CLSTN2: variants seen among roughly 807,000 people sequenced by gnomAD.
CLSTN2 encodes calsyntenin-2.
CLSTN2 carries 48 observed loss-of-function variants against 101.2 expected under a neutral mutation model. The ratio of observed to expected loss-of-function variants is 0.47; its 90% CI spans 0.38 to 0.60. The LOEUF (loss-of-function observed/expected upper bound fraction) is 0.60, where lower values mean the gene tolerates loss of function less well. Among genes scored for constraint, CLSTN2 ranks in the 20% least tolerant of loss-of-function variants. CLSTN2 has a pLI of 0.00. For missense variants in CLSTN2, 1,160 were observed against 1,238.2 expected, an observed-to-expected ratio of 0.94 and a Z score of 0.95; for synonymous variants, 481 against 463.6, an observed-to-expected ratio of 1.04 and a Z score of -0.48.
intron 13 of CLSTN2, 143 bp from the exon 14 acceptor site, chr3:140,562,668 T>A: frequency 1.2e-6 from 1 of 845,830 alleles, no homozygotes; most frequent in African/African-American, 1.7e-5. Flanking sequence ...CTGCACATTG[T>A]CTGCCCAAAA....
At chr3:140,180,084 T>C (rs1396378127) in intron 2 of CLSTN2, among the ~76,000 whole-genome samples, 17 of 152,234 alleles carry the variant, frequency 1.1e-4, no homozygotes, top group Admixed American at 1.1e-3. Flanking sequence ...GGGCTGTTTG[T>C]TGTTTTGATG....
chr3:140,364,390 C>T (rs1280515120), intron 2 of CLSTN2, among the ~76,000 whole-genome samples: 1 of 152,168 alleles, frequency 6.6e-6, no homozygotes, highest in African/African-American at 2.4e-5. Flanking sequence ...ACAATTACCA[C>T]AGAAATTGCA....
rs1305837686 is a variant in CLSTN2, at chr3:140,260,206, A to AT, written c.232+84136dup. Among the ~76,000 whole-genome samples the AT allele has an allele frequency of 2.7e-5, 4 of 150,610 alleles. No homozygotes were observed. The East Asian group carries it at 7.8e-4, about 29-fold the overall frequency. On this transcript the variant is annotated intron_variant, in intron 2 of 16. Coordinates refer to ENST00000458420, the MANE Select transcript of CLSTN2 (RefSeq NM_022131.3). ...TACAAAATTAAAATAAATGTATTTT[A>AT]TTTCTTTTCTTGCCATATTACACTA...
chr3:140,486,162 T>C (rs1378111859), intron 8 of CLSTN2, among the ~76,000 whole-genome samples: 1 of 151,920 alleles, frequency 6.6e-6, no homozygotes. Flanking sequence ...CCAATGTGTA[T>C]GACAAACAAC....
At chr3:140,190,809 T>C (rs2010556324) in intron 2 of CLSTN2, among the ~76,000 whole-genome samples, 1 of 152,128 alleles carries the variant, frequency 6.6e-6, no homozygotes, top group South Asian at 2.1e-4. Flanking sequence ...AGTTCTAGAT[T>C]TTTTTCTTGT....
intron 1 of CLSTN2, among the ~76,000 whole-genome samples, chr3:140,154,802 G>A (rs374665329): frequency 1.7e-4 from 26 of 151,888 alleles, no homozygotes; most frequent in South Asian, 1.3e-3. Flanking sequence ...CCGCCACCAC[G>A]CCCAGCTAAT....
intron 1 of CLSTN2, among the ~76,000 whole-genome samples, chr3:139,950,940 G>A (rs1402044262): frequency 2.6e-5 from 4 of 152,164 alleles, no homozygotes; most frequent in Non-Finnish European, 4.4e-5. Context: ...CAGATGTCAT[G>A]GACATATTGT....
At chr3:140,046,432 A>C (rs1226631450) in intron 1 of CLSTN2, among the ~76,000 whole-genome samples, 2 of 152,184 alleles carry the variant, frequency 1.3e-5, no homozygotes, top group Admixed American at 1.3e-4. Context: ...GGGTCTCCTG[A>C]ATACAGTACA....
At chr3:140,369,329 GA>G (rs2087825881) in intron 2 of CLSTN2, among the ~76,000 whole-genome samples, 1 of 152,194 alleles carries the variant, frequency 6.6e-6, no homozygotes, top group Non-Finnish European at 1.5e-5. Context: ...AAGAAAATAA[GA>G]GATAGTTTTA....
At chr3:140,035,593 G>A (rs2007637040) in intron 1 of CLSTN2, among the ~76,000 whole-genome samples, 1 of 150,866 alleles carries the variant, frequency 6.6e-6, no homozygotes, top group African/African-American at 2.4e-5. Context: ...ATCATTCCAT[G>A]TAGGATAATA....
At chr3:140,219,828 G>A (rs2086251226) in intron 2 of CLSTN2, among the ~76,000 whole-genome samples, 2 of 152,154 alleles carry the variant, frequency 1.3e-5, no homozygotes, top group South Asian at 4.1e-4. Context: ...TAAAATAGTG[G>A]GGCACAGCAT....
Position 140,562,161 on chromosome 3 carries a change from G to A in CLSTN2, c.2065G>A (p.Glu689Lys), listed in dbSNP as rs199622607. The A allele has an allele frequency of 9.9e-6, 16 of 1,614,074 alleles. No individual in the cohort carries two copies. In the Admixed American group the frequency reaches 1.3e-4, roughly 13 times the overall value. ...AGACCCCAAATCAGAAGTCTTAGAG[G>A]AAATGCTTCATAACTTAGATTTCTG... is the stretch of plus-strand genomic sequence containing the variant. ...TTDPKSEVLE[E>K]MLHNLDFCDI... Residue 689 changes from glutamate to lysine, a missense_variant, in exon 13 of 17, where the codon GAA becomes AAA. Transcript: ENST00000458420.
In CLSTN2 at chr3:140,225,002, G is replaced by T. The variant is rs576602714; in HGVS notation, c.232+48929G>T. On this transcript the variant is annotated intron_variant, in intron 2 of 16. Coordinates refer to ENST00000458420, the MANE Select transcript of CLSTN2 (RefSeq NM_022131.3). ...CTTTCCCTGCTCCACCAGCAAGTGC[G>T]CCAGCCAGCCCTCCAACATGTCTAT... is the stretch of plus-strand genomic sequence containing the variant. Among the ~76,000 whole-genome samples, 10 of 152,288 alleles carry T rather than the reference G, an allele frequency of 6.6e-5. No homozygotes were observed. In the East Asian group the frequency reaches 9.6e-4, roughly 15 times the overall value.
At chr3:140,015,772 C>T (rs2007188351) in intron 1 of CLSTN2, among the ~76,000 whole-genome samples, 1 of 152,254 alleles carries the variant, frequency 6.6e-6, no homozygotes, top group East Asian at 1.9e-4. Flanking sequence ...AGAGCAGTTG[C>T]TCTTGTGATT....
chr3:140,287,920 A>G (rs1356753858), intron 2 of CLSTN2, among the ~76,000 whole-genome samples: 1 of 152,198 alleles, frequency 6.6e-6, no homozygotes, highest in African/African-American at 2.4e-5. Context: ...AGATAAACTG[A>G]TGAGCCAAAT....
At chr3:140,455,124 A>G in intron 6 of CLSTN2, among the ~76,000 whole-genome samples, 1 of 152,228 alleles carries the variant, frequency 6.6e-6, no homozygotes, top group Non-Finnish European at 1.5e-5. Flanking sequence ...TAACTTAGAT[A>G]TTACATAAAT....
At chr3:140,281,266 C>A (rs546351079) in intron 2 of CLSTN2, among the ~76,000 whole-genome samples, 1 of 152,266 alleles carries the variant, frequency 6.6e-6, no homozygotes, top group South Asian at 2.1e-4. Context: ...CAGATATTTA[C>A]TTAGTGTCTA....
intron 2 of CLSTN2, among the ~76,000 whole-genome samples, chr3:140,299,589 G>A (rs2087038081): frequency 6.6e-6 from 1 of 152,236 alleles, no homozygotes; most frequent in African/African-American, 2.4e-5. Flanking sequence ...ATCCTGTCTA[G>A]AAGCCCTTAA....
At chr3:140,120,266 G>T (rs958995996) in intron 1 of CLSTN2, among the ~76,000 whole-genome samples, 2 of 152,118 alleles carry the variant, frequency 1.3e-5, no homozygotes, top group African/African-American at 4.8e-5. Flanking sequence ...CCGTTAATTT[G>T]TTGGAGTGGC....
Sources: gnomAD v4.1 joint callset for allele counts (sites outside exome capture counted in the v4.1 genomes callset) on GRCh38, gnomAD v4.1.1 for gene constraint, MANE v1.5 for transcripts, NCBI Gene and HGNC (gene_info 2026-07-23, HGNC 2026-07-21) for gene names.